Variants in CREB5 observed in about 807,000 individuals in gnomAD.
CREB5 encodes the protein cAMP responsive element binding protein 5, also known as cyclic AMP-responsive element-binding protein 5.
A neutral mutation model predicts 57.1 loss-of-function variants in CREB5; 19 were observed. The ratio of observed to expected loss-of-function variants is 0.33; its 90% confidence interval spans 0.23 to 0.49. The LOEUF is 0.49. Among genes scored for constraint, CREB5 ranks in the 20% least tolerant of loss-of-function variants. CREB5 has a pLI of 0.99. For missense variants in CREB5, 579 were observed against 671.6 expected, an observed-to-expected ratio of 0.86 and a Z score of 1.52; for synonymous variants, 238 against 238.3, an observed-to-expected ratio of 1.00 and a Z score of 0.01.
intron 5 of CREB5, among the ~76,000 whole-genome samples, chr7:28,620,233 TTTA>T (rs965033495): frequency 3.3e-5 from 5 of 152,154 alleles, no homozygotes; most frequent in Admixed American, 3.3e-4. Flanking sequence ...TTGTTCTTGT[TTTA>T]TTATTATTAT....
intron 5 of CREB5, among the ~76,000 whole-genome samples, chr7:28,634,304 T>TGCA: frequency 6.6e-6 from 1 of 152,346 alleles, no homozygotes; most frequent in East Asian, 1.9e-4. Flanking sequence ...TTCAGACCAG[T>TGCA]TGAACAGATT....
At chr7:28,489,043 T>A (rs767397265) in intron 2 of CREB5, among the ~76,000 whole-genome samples, 1 of 152,240 alleles carries the variant, frequency 6.6e-6, no homozygotes, top group Non-Finnish European at 1.5e-5. Context: ...TTTTCTACTC[T>A]TGACCCTTTG....
intron 5 of CREB5, among the ~76,000 whole-genome samples, chr7:28,633,298 G>T (rs760408029): frequency 2.6e-5 from 4 of 152,074 alleles, no homozygotes; most frequent in Non-Finnish European, 4.4e-5. Context: ...CCAAAACAAG[G>T]CTCTTTTACA....
chr7:28,801,601 A>T (rs770248546), intron 7 of CREB5, among the ~76,000 whole-genome samples: 11 of 152,158 alleles, frequency 7.2e-5, no homozygotes, highest in Non-Finnish European at 1.5e-4. Context: ...TTATTCTTTC[A>T]TCTCTCCATA....
rs964084773 is a variant in CREB5 at position 28,494,770 on chromosome 7, G to C, written c.76-136G>C. ...CTTACTCATGCTTTCACACTTTTTCGAAATGTTTTTTTTTTTTTGTTTTGC... is the reference window on the plus strand; with the variant it reads ...CTTACTCATGCTTTCACACTTTTTCCAAATGTTTTTTTTTTTTTGTTTTGC... On this transcript the variant is annotated intron_variant, in intron 2 of 10. Coordinates refer to ENST00000357727, the MANE Select transcript of CREB5 (RefSeq NM_182898.4). 318 of 609,234 alleles carry C rather than the reference G, an allele frequency of 5.2e-4. 3 individuals carry two copies. Among genetic ancestry groups the C allele is most frequent in the Admixed American group, 1.1e-3 (36 of 32,146 alleles). The allele number at this position is 609,234 out of a possible 1,614,324, so 37.7% of individuals were successfully genotyped here. A position where few individuals can be genotyped will look rare whatever the true frequency, so the allele number is the denominator to read the frequency against.
At chr7:28,582,941 A>C (rs977983746) in intron 5 of CREB5, among the ~76,000 whole-genome samples, 27 of 152,220 alleles carry the variant, frequency 1.8e-4, no homozygotes, top group African/African-American at 6.5e-4. Flanking sequence ...CAGATCCCAG[A>C]ACATTGTAAT....
intron 5 of CREB5, among the ~76,000 whole-genome samples, chr7:28,600,362 G>A (rs1796869091): frequency 1.1e-5 from 1 of 92,716 alleles, no homozygotes; most frequent in Non-Finnish European, 2.2e-5. Flanking sequence ...TTTAATCAGA[G>A]CAGACCAGCC....
At chr7:28,328,095 C>T (rs948354978) in intron 1 of CREB5, among the ~76,000 whole-genome samples, 3 of 152,156 alleles carry the variant, frequency 2.0e-5, no homozygotes, top group East Asian at 1.9e-4. Flanking sequence ...GGCCTATCTC[C>T]TACTTGCTTC....
At chr7:28,347,782 G>C (rs1254042058) in intron 1 of CREB5, among the ~76,000 whole-genome samples, 1 of 152,188 alleles carries the variant, frequency 6.6e-6, no homozygotes, top group African/African-American at 2.4e-5. Flanking sequence ...AAAAGATTCA[G>C]CTGTAGCAGC....
chr7:28,791,437 G>T (rs1807705135), intron 7 of CREB5, among the ~76,000 whole-genome samples: 1 of 152,056 alleles, frequency 6.6e-6, no homozygotes, highest in Non-Finnish European at 1.5e-5. Context: ...TAACCAAGAG[G>T]CTCTCCAGCT....
chr7:28,594,568 G>T (rs1027198662), intron 5 of CREB5, among the ~76,000 whole-genome samples: 1 of 152,188 alleles, frequency 6.6e-6, no homozygotes, highest in Non-Finnish European at 1.5e-5. Context: ...CAGCATGCCT[G>T]TGTGACTTTA....
At chr7:28,560,838 G>GCA (rs1562797083) in intron 4 of CREB5, among the ~76,000 whole-genome samples, 35 of 114,202 alleles carry the variant, frequency 3.1e-4, no homozygotes, top group African/African-American at 1.2e-3. Flanking sequence ...GCGCGCGTGT[G>GCA]TGTGTGCGCG....
chr7:28,685,869 G>T, intron 5 of CREB5: 1 of 361,224 alleles, frequency 2.8e-6, no homozygotes, highest in South Asian at 6.7e-5. Flanking sequence ...ACTCAGCCTG[G>T]GGCTGTTTTG....
intron 5 of CREB5, among the ~76,000 whole-genome samples, chr7:28,671,941 A>G (rs1205421469): frequency 6.6e-6 from 1 of 152,180 alleles, no homozygotes; most frequent in African/African-American, 2.4e-5. Flanking sequence ...TATAATAATT[A>G]TTATTACACT....
At chr7:28,415,613 CT>C (rs1787993963) in intron 1 of CREB5, among the ~76,000 whole-genome samples, 1 of 151,948 alleles carries the variant, frequency 6.6e-6, no homozygotes, top group Non-Finnish European at 1.5e-5. Flanking sequence ...AACTTAAATT[CT>C]CCTTTTTTCA....
intron 1 of CREB5, among the ~76,000 whole-genome samples, chr7:28,432,232 G>C (rs187843692): frequency 2.6e-5 from 4 of 152,260 alleles, no homozygotes; most frequent in Admixed American, 2.6e-4. Context: ...TCTGGAACAA[G>C]GTCCTTGGAT....
intron 1 of CREB5, among the ~76,000 whole-genome samples, chr7:28,375,457 G>A (rs778268615): frequency 2.0e-5 from 3 of 152,086 alleles, no homozygotes; most frequent in Non-Finnish European, 4.4e-5. Flanking sequence ...ACAACAGGGT[G>A]ACTATAGTCA....
intron 5 of CREB5, among the ~76,000 whole-genome samples, chr7:28,681,522 G>A (rs1437082956): frequency 2.6e-5 from 4 of 152,102 alleles, no homozygotes; most frequent in Admixed American, 2.6e-4. Context: ...ATGCCACCAC[G>A]CCCAGTCCCA....
At chr7:28,737,568 TATATATATATATATA>T (rs1242454094) in intron 7 of CREB5, among the ~76,000 whole-genome samples, 4 of 56,974 alleles carry the variant, frequency 7.0e-5, no homozygotes, top group African/African-American at 1.9e-4. Context: ...TATATATATA[TATATATATATATATA>T]TATATTTTTA....
Sources: allele counts gnomAD v4.1 joint callset (sites outside exome capture counted in the v4.1 genomes callset), GRCh38; gene constraint gnomAD v4.1.1; transcripts MANE v1.5; gene names NCBI Gene and HGNC (gene_info 2026-07-23, HGNC 2026-07-21).